The following FRMD6 variants were observed in gnomAD, a reference collection of about 807,000 sequenced individuals.
FRMD6 encodes the protein FERM domain-containing protein 6.
In FRMD6, 37 loss-of-function variants were observed where a neutral mutation model predicts 73.2. The observed-to-expected ratio is 0.51, with a 90% CI of 0.39 to 0.66. The LOEUF is 0.66. FRMD6 is among the 30% of genes least tolerant of loss of function. FRMD6 has a pLI of 0.00. For synonymous variants in FRMD6, 273 were observed against 282.2 expected (o/e 0.97, Z 0.33); for missense variants, 714 against 780.5 (o/e 0.91, Z 1.02).
intron 2 of FRMD6, among the ~76,000 whole-genome samples, chr14:51,579,487 C>A (rs17587084): frequency 6.6e-6 from 1 of 152,160 alleles, no homozygotes; most frequent in African/African-American, 2.4e-5. Context: ...CTTGCACTTA[C>A]TTCTAGGATA....
rs111943242 is a variant in FRMD6, at chr14:51,685,186, T to C, written c.-146-4505T>C. On this transcript the variant is annotated intron_variant, in intron 1 of 13. Transcript: ENST00000344768. Reference sequence around the variant, plus strand: ...TATTTTGCCTTTTCTGAACAGTAAGTGAGTCTTGGCAAGGAAAACTCTTGC... The same window carrying C: ...TATTTTGCCTTTTCTGAACAGTAAGCGAGTCTTGGCAAGGAAAACTCTTGC... Among the ~76,000 whole-genome samples, 1,247 of 152,302 alleles carry C rather than the reference T, an allele frequency of 8.2e-3. 24 individuals carry two copies. Among genetic ancestry groups the C allele is most frequent in the African/African-American group, 0.029 (1,186 of 41,568 alleles).
the FRMD6 span, among the ~76,000 whole-genome samples, chr14:51,427,188 G>C: frequency 1.3e-5 from 2 of 152,198 alleles, no homozygotes; most frequent in Non-Finnish European, 2.9e-5. Context: ...TCATGGGCTA[G>C]TTCCAACTGT....
At chr14:51,604,577 G>T (rs896604288) in intron 2 of FRMD6, among the ~76,000 whole-genome samples, 3 of 152,102 alleles carry the variant, frequency 2.0e-5, no homozygotes, top group Non-Finnish European at 4.4e-5. Context: ...CTAATGATAA[G>T]TTGGGGGAAT....
At chr14:51,581,458 T>A (rs746062692) in intron 2 of FRMD6, among the ~76,000 whole-genome samples, 25 of 152,218 alleles carry the variant, frequency 1.6e-4, no homozygotes, top group Non-Finnish European at 3.4e-4. Flanking sequence ...ATAATCATTC[T>A]CCTCTTTCTT....
chr14:51,558,909 A>G (rs943432690), intron 1 of FRMD6, among the ~76,000 whole-genome samples: 2 of 152,118 alleles, frequency 1.3e-5, no homozygotes, highest in African/African-American at 2.4e-5. Flanking sequence ...CTCTTTGCCA[A>G]ATTTTATGAC....
chr14:51,645,687 C>T (rs1462678771), intron 2 of FRMD6, among the ~76,000 whole-genome samples: 4 of 151,992 alleles, frequency 2.6e-5, no homozygotes, highest in Non-Finnish European at 5.9e-5. Context: ...TGGGCTCAAG[C>T]GATCCACCTG....
intron 2 of FRMD6, among the ~76,000 whole-genome samples, chr14:51,645,316 C>G (rs1269112530): frequency 6.6e-6 from 1 of 152,196 alleles, no homozygotes; most frequent in Admixed American, 6.5e-5. Flanking sequence ...ACATCAGCAT[C>G]TTGTTTTATA....
At chr14:51,507,538 A>G (rs142088960) in intron 1 of FRMD6, among the ~76,000 whole-genome samples, 1 of 152,270 alleles carries the variant, frequency 6.6e-6, no homozygotes, top group African/African-American at 2.4e-5. Flanking sequence ...CTATAGGGGA[A>G]AATCATCTTT....
the FRMD6 span, chr14:51,436,787 G>A: frequency 1.9e-6 from 1 of 539,494 alleles, no homozygotes. Flanking sequence ...TGATGAAGAT[G>A]AAGAAGGAGA....
chr14:51,490,818 A>G lies in FRMD6; in HGVS notation c.-210+1398A>G, dbSNP rs189219616. ...ATGTATTGTCTATATATACTTGGGA[A>G]TGACACCCTGTTGAAAATAAATACT... On this transcript the variant is annotated intron_variant, in intron 1 of 14. Transcript: ENST00000356218. Among the ~76,000 whole-genome samples, 61 of 152,268 alleles carry G rather than the reference A, an allele frequency of 4.0e-4. No homozygotes were observed. The East Asian group carries it at 7.7e-3, about 19-fold the overall frequency.
chr14:51,536,004 C>T (rs1441991783), intron 1 of FRMD6, among the ~76,000 whole-genome samples: 2 of 149,062 alleles, frequency 1.3e-5, no homozygotes, highest in South Asian at 2.1e-4. Context: ...GTTTATTCTC[C>T]TATGGTAAAA....
At chr14:51,650,458 G>C (rs1400714369), upstream of FRMD6, 2 of 145,644 alleles carry the variant, frequency 1.4e-5, no homozygotes, top group East Asian at 2.0e-4. Flanking sequence ...TGCAGTGGCG[G>C]GATCTCGGCT....
intron 2 of FRMD6, among the ~76,000 whole-genome samples, chr14:51,595,118 A>G (rs1889638677): frequency 6.6e-6 from 1 of 152,178 alleles, no homozygotes; most frequent in Admixed American, 6.5e-5. Context: ...CACATGGACC[A>G]ATGAGCCAAA....
At chr14:51,704,963 GT>G in intron 6 of FRMD6, 28 bp downstream of exon 6, 1 of 1,579,276 alleles carries the variant, frequency 6.3e-7, no homozygotes, top group African/African-American at 1.4e-5. Context: ...ATTCGAAAGA[GT>G]GTTTTCTCTC....
intron 10 of FRMD6, chr14:51,717,148 T>C (rs1465680126): frequency 1.3e-5 from 2 of 152,146 alleles, no homozygotes; most frequent in Non-Finnish European, 2.9e-5. Flanking sequence ...CCAAGTGTAT[T>C]CGGAGGCTTA....
upstream of FRMD6, among the ~76,000 whole-genome samples, chr14:51,486,936 G>GTT (rs5808614): frequency 6.6e-4 from 96 of 146,402 alleles, no homozygotes; most frequent in Middle Eastern, 3.6e-3. Context: ...GTATAAAACC[G>GTT]TTTTTTTTTT....
intron 1 of FRMD6, among the ~76,000 whole-genome samples, chr14:51,521,744 A>G (rs1884966288): frequency 6.6e-6 from 1 of 151,848 alleles, no homozygotes; most frequent in South Asian, 2.1e-4. Context: ...TAGCAGGGCT[A>G]TATTGGGATT....
chr14:51,540,060 T>C (rs1262001446), intron 1 of FRMD6, among the ~76,000 whole-genome samples: 1 of 152,192 alleles, frequency 6.6e-6, no homozygotes, highest in African/African-American at 2.4e-5. Context: ...CTGAATGCTT[T>C]ATAAATATCA....
At chr14:51,533,021 G>A (rs889696205) in intron 1 of FRMD6, among the ~76,000 whole-genome samples, 1 of 152,170 alleles carries the variant, frequency 6.6e-6, no homozygotes, top group Admixed American at 6.6e-5. Flanking sequence ...TGTATCTTTA[G>A]AACAGTCCAG....
Sources: allele counts gnomAD v4.1 joint callset (sites outside exome capture counted in the v4.1 genomes callset), GRCh38; gene constraint gnomAD v4.1.1; transcripts MANE v1.5; gene names NCBI Gene and HGNC (gene_info 2026-07-23, HGNC 2026-07-21).